The following GAS2 variants were observed in gnomAD, a reference collection of about 807,000 sequenced individuals.
GAS2 encodes growth arrest specific 2.
GAS2 carries 20 observed loss-of-function variants against 37.5 expected under a neutral mutation model. The ratio of observed to expected loss-of-function variants is 0.53; its 90% CI spans 0.37 to 0.77. The LOEUF (loss-of-function observed/expected upper bound fraction) is 0.77, where lower values mean the gene tolerates loss of function less well. GAS2 is among the 30% of genes least tolerant of loss of function. GAS2 has a pLI of 0.00. For missense variants in GAS2, 336 were observed against 373.4 expected (o/e 0.90, Z 0.82); for synonymous variants, 144 against 132.2 (o/e 1.09, Z -0.61).
Position 22,726,336 on chromosome 11 carries a change from G to C in GAS2, c.312G>C (p.Ser104=), listed in dbSNP as rs201723000. The C allele has an allele frequency of 6.2e-7, 1 of 1,612,348 alleles. No individual in the cohort carries two copies. The highest frequency in any genetic ancestry group is 8.5e-7 in the Non-Finnish European group (1 of 1,179,242). The change falls in exon 4 of 8, where the codon TCG becomes TCC. Residue 104 remains serine (S), a synonymous_variant. Coordinates refer to ENST00000454584, the MANE Select transcript of GAS2 (RefSeq NM_001143830.3). The stretch of plus-strand genomic sequence containing the variant: ...TCCCATGCAAAACCAGTGCACCCTC[G>C]GGCTCCTTTTTTGCCAGAGACAATA... The part of the protein sequence containing the change: ...KKIPCKTSAP[S]GSFFARDNTA...
intron 1 of GAS2, among the ~76,000 whole-genome samples, chr11:22,658,605 C>A (rs1321342996): frequency 1.3e-5 from 2 of 152,136 alleles, no homozygotes; most frequent in Non-Finnish European, 2.9e-5. Flanking sequence ...CACCACATAT[C>A]CATCTATCAG....
At chr11:22,766,313 A>G (rs1291221360) in intron 7 of GAS2, among the ~76,000 whole-genome samples, 1 of 151,542 alleles carries the variant, frequency 6.6e-6, no homozygotes, top group Non-Finnish European at 1.5e-5. Context: ...AACAATAAGG[A>G]AATTAAGTGT....
At chr11:22,781,419 T>A (rs377017042) in intron 7 of GAS2, among the ~76,000 whole-genome samples, 2 of 152,316 alleles carry the variant, frequency 1.3e-5, no homozygotes, top group East Asian at 3.9e-4. Context: ...CATGTATGAG[T>A]GCAGCTGCCA....
intron 1 of GAS2, among the ~76,000 whole-genome samples, chr11:22,631,946 C>CTTTT (rs35928910): frequency 2.4e-5 from 2 of 82,966 alleles, no homozygotes; most frequent in African/African-American, 4.3e-5. Flanking sequence ...TGGCCCTGGA[C>CTTTT]TTTTTTTTTT....
rs565524264 is a variant in GAS2 at position 22,684,589 on chromosome 11, C to T, written c.146-1079C>T. ...AAAGGAAGGGGCTTTGAGAAAGATA[C>T]GTTTAGAAAGAGTATATAAGAAAGC... On this transcript the variant is annotated intron_variant, in intron 2 of 7. Coordinates refer to ENST00000454584, the MANE Select transcript of GAS2 (RefSeq NM_001143830.3). Among the ~76,000 whole-genome samples, 3 of 152,246 alleles carry T rather than the reference C, an allele frequency of 2.0e-5. No individual in the cohort carries two copies. The South Asian group carries it at 6.2e-4, about 32-fold the overall frequency.
At chr11:22,689,931 C>T (rs151333522) in intron 3 of GAS2, among the ~76,000 whole-genome samples, 192 of 152,274 alleles carry the variant, frequency 1.3e-3, no homozygotes, top group African/African-American at 4.3e-3. Context: ...TCAATACATT[C>T]TTTGAATTAA....
At chr11:22,739,621 G>A (rs1391378124) in intron 5 of GAS2, among the ~76,000 whole-genome samples, 1 of 144,900 alleles carries the variant, frequency 6.9e-6, no homozygotes, top group Non-Finnish European at 1.5e-5. Flanking sequence ...AAAAATACAA[G>A]GGGTAGGAAA....
At chr11:22,737,100 C>A (rs1188731078) in intron 4 of GAS2, among the ~76,000 whole-genome samples, 2 of 152,030 alleles carry the variant, frequency 1.3e-5, no homozygotes, top group African/African-American at 4.8e-5. Flanking sequence ...GTACATATTT[C>A]CAAAATTCAG....
At chr11:22,671,641 C>A (rs1465420156) in intron 1 of GAS2, among the ~76,000 whole-genome samples, 1 of 152,072 alleles carries the variant, frequency 6.6e-6, no homozygotes, top group Non-Finnish European at 1.5e-5. Context: ...TTCAAGAGAA[C>A]TGAAATGATC....
chr11:22,678,544 G>A (rs1043589526), intron 2 of GAS2, among the ~76,000 whole-genome samples: 1 of 151,456 alleles, frequency 6.6e-6, no homozygotes, highest in Non-Finnish European at 1.5e-5. Context: ...TCCTAGGTGA[G>A]GTAGAAATTA....
chr11:22,671,843 C>T (rs1849214302), intron 1 of GAS2, among the ~76,000 whole-genome samples: 1 of 152,074 alleles, frequency 6.6e-6, no homozygotes, highest in African/African-American at 2.4e-5. Flanking sequence ...GTAAATTCTC[C>T]ATACTCCAAA....
intron 1 of GAS2, among the ~76,000 whole-genome samples, chr11:22,633,965 G>A (rs1858783413): frequency 6.6e-6 from 1 of 152,120 alleles, no homozygotes; most frequent in African/African-American, 2.4e-5. Context: ...AAGCTCTTGT[G>A]GGAGAAGCCA....
At chr11:22,628,728 T>C (rs1007415209) in intron 1 of GAS2, among the ~76,000 whole-genome samples, 1 of 152,124 alleles carries the variant, frequency 6.6e-6, no homozygotes, top group African/African-American at 2.4e-5. Flanking sequence ...TAGTTCACCC[T>C]CTAACTGAGT....
intron 7 of GAS2, among the ~76,000 whole-genome samples, chr11:22,791,215 C>T (rs546046671): frequency 1.3e-4 from 20 of 152,036 alleles, no homozygotes; most frequent in African/African-American, 4.8e-4. Context: ...TCTTGTGAAA[C>T]TGAGTTAAAG....
At chr11:22,697,109 A>T (rs1590656879) in intron 3 of GAS2, among the ~76,000 whole-genome samples, 1 of 152,148 alleles carries the variant, frequency 6.6e-6, no homozygotes, top group African/African-American at 2.4e-5. Context: ...CCATCTTGAA[A>T]TAATTTTTGT....
chr11:22,715,864 T>C (rs183197947), intron 3 of GAS2, among the ~76,000 whole-genome samples: 14 of 151,728 alleles, frequency 9.2e-5, no homozygotes, highest in Non-Finnish European at 1.9e-4. Context: ...ATTACCCTAA[T>C]ACCAAAACCA....
intron 7 of GAS2, among the ~76,000 whole-genome samples, chr11:22,802,741 A>G (rs569809911): frequency 8.1e-4 from 123 of 152,268 alleles, no homozygotes; most frequent in African/African-American, 2.9e-3. Flanking sequence ...ACACCAACAT[A>G]GGACTAAATA....
chr11:22,696,228 T>C (rs1429071005), intron 3 of GAS2, among the ~76,000 whole-genome samples: 3 of 151,726 alleles, frequency 2.0e-5, no homozygotes, highest in Admixed American at 6.6e-5. Flanking sequence ...TTACTGAGAA[T>C]GATGATTTCC....
chr11:22,634,639 T>C (rs1858796170), intron 1 of GAS2, among the ~76,000 whole-genome samples: 1 of 152,164 alleles, frequency 6.6e-6, no homozygotes, highest in South Asian at 2.1e-4. Context: ...CTACTGTGAA[T>C]CCTGCTGCTG....
Sources: gnomAD v4.1 joint callset for allele counts (sites outside exome capture counted in the v4.1 genomes callset) on GRCh38, gnomAD v4.1.1 for gene constraint, MANE v1.5 for transcripts, NCBI Gene and HGNC (gene_info 2026-07-23, HGNC 2026-07-21) for gene names.